The following OPHN1 variants were observed in gnomAD, a reference collection of about 807,000 sequenced individuals.
OPHN1 encodes oligophrenin 1, also known as oligophrenin-1.
OPHN1 carries 11 observed loss-of-function variants against 60.7 expected under a neutral mutation model. That is an observed-to-expected ratio of 0.18 (90% CI 0.11 to 0.30). The LOEUF is 0.30. Ranked by LOEUF, OPHN1 falls within the 10% of genes least tolerant of loss-of-function variation. The probability of loss-of-function intolerance (pLI) is 1.00; values close to 1 mark genes in which losing one functional copy is unlikely to be tolerated. For synonymous variants in OPHN1, 226 were observed against 222.6 expected (o/e 1.02, Z -0.14); for missense variants, 449 against 611.0 (o/e 0.73, Z 2.80).
chrX:68,174,539 G>A (rs1018765243), intron 15 of OPHN1, among the ~76,000 whole-genome samples: 4 of 93,042 alleles, frequency 4.3e-5, no homozygotes, highest in Admixed American at 1.4e-4. Flanking sequence ...TGGTGCAATC[G>A]CAGCTTACTG....
intron 15 of OPHN1, among the ~76,000 whole-genome samples, chrX:68,130,267 A>G (rs1025449004): frequency 8.9e-6 from 1 of 111,742 alleles, no homozygotes; most frequent in Non-Finnish European, 1.9e-5. Flanking sequence ...ATATATATGT[A>G]AAAGAGGAAG....
intron 6 of OPHN1, among the ~76,000 whole-genome samples, chrX:68,220,960 G>C (rs1263041370): frequency 1.1e-5 from 1 of 93,361 alleles, no homozygotes; most frequent in African/African-American, 3.5e-5. Flanking sequence ...GGAAATAAAG[G>C]GTATTCAATT....
At chrX:68,115,613 T>C (rs2077123749) in intron 16 of OPHN1, among the ~76,000 whole-genome samples, 2 of 112,059 alleles carry the variant, frequency 1.8e-5, no homozygotes, top group Admixed American at 9.5e-5. Flanking sequence ...GTGTGCAGCA[T>C]TGAGGGTATC....
chrX:68,282,670 ATCTT>A (rs1454925522), intron 4 of OPHN1, among the ~76,000 whole-genome samples: 4 of 111,909 alleles, frequency 3.6e-5, no homozygotes, highest in Non-Finnish European at 7.5e-5. Context: ...TATGAGTTCT[ATCTT>A]TATTTTCTAC....
intron 11 of OPHN1, among the ~76,000 whole-genome samples, chrX:68,200,517 A>G (rs1345432225): frequency 9.0e-6 from 1 of 111,615 alleles, no homozygotes; most frequent in Non-Finnish European, 1.9e-5. Flanking sequence ...AACTGAGGCT[A>G]TCAGGAAAAT....
At chrX:68,178,125 T>C (rs1468361268) in intron 15 of OPHN1, among the ~76,000 whole-genome samples, 1 of 111,961 alleles carries the variant, frequency 8.9e-6, no homozygotes, top group Non-Finnish European at 1.9e-5. Context: ...AGCATTTTTA[T>C]TCCTTTGCCT....
At chrX:68,185,927 T>C (rs1183046234) in intron 15 of OPHN1, among the ~76,000 whole-genome samples, 1 of 111,279 alleles carries the variant, frequency 9.0e-6, no homozygotes, top group Non-Finnish European at 1.9e-5. Flanking sequence ...CTCCCAAAGT[T>C]AATATATTCT....
chrX:68,134,072 G>A (rs1159834215), intron 15 of OPHN1, among the ~76,000 whole-genome samples: 3 of 110,448 alleles, frequency 2.7e-5, no homozygotes, highest in Non-Finnish European at 5.7e-5. Context: ...CTACTCAGGA[G>A]GCTGAGGCAG....
intron 2 of OPHN1, among the ~76,000 whole-genome samples, chrX:68,360,504 T>C (rs1602354200): frequency 9.0e-6 from 1 of 110,791 alleles, no homozygotes; most frequent in East Asian, 2.8e-4. Flanking sequence ...GTTGATAAAA[T>C]AGATAACCAG....
chrX:68,254,504 C>G (rs1306735486), intron 5 of OPHN1, among the ~76,000 whole-genome samples: 1 of 110,899 alleles, frequency 9.0e-6, no homozygotes, highest in Non-Finnish European at 1.9e-5. Context: ...CTTCCTATTT[C>G]TTCAGATATC....
At chrX:68,232,408 C>T (rs750350463) in intron 6 of OPHN1, among the ~76,000 whole-genome samples, 5 of 111,283 alleles carry the variant, frequency 4.5e-5, no homozygotes, top group Non-Finnish European at 9.4e-5. Context: ...AGATCTCTCA[C>T]GGTGGTGTCA....
At chrX:68,253,837 C>G (rs950927432) in intron 5 of OPHN1, among the ~76,000 whole-genome samples, 1 of 111,410 alleles carries the variant, frequency 9.0e-6, no homozygotes, top group South Asian at 3.8e-4. Context: ...CAGTCTTGCC[C>G]GTAGATCAGA....
chrX:68,224,597 A>T (rs112613314), intron 6 of OPHN1, among the ~76,000 whole-genome samples: 7,196 of 112,544 alleles, frequency 0.064, 231 homozygotes, highest in Middle Eastern at 0.19. Flanking sequence ...GTGCTTAGAG[A>T]AATATTTATA....
intron 2 of OPHN1, among the ~76,000 whole-genome samples, chrX:68,385,467 A>G (rs1191953421): frequency 9.8e-5 from 11 of 112,460 alleles, no homozygotes; most frequent in Non-Finnish European, 3.8e-5. Context: ...ATTCCTTGCC[A>G]TAGGCCAATA....
intron 2 of OPHN1, among the ~76,000 whole-genome samples, chrX:68,354,022 T>G (rs2078426974): frequency 1.8e-5 from 2 of 112,056 alleles, no homozygotes; most frequent in African/African-American, 3.2e-5. Context: ...AGGTTCCTAT[T>G]CACAGATACT....
At chrX:68,100,196 CCT>C (rs2077052263) in intron 18 of OPHN1, among the ~76,000 whole-genome samples, 1 of 110,736 alleles carries the variant, frequency 9.0e-6, no homozygotes, top group African/African-American at 3.3e-5. Context: ...CTGTGTGTCC[CCT>C]GTTAGAAGAA....
intron 15 of OPHN1, among the ~76,000 whole-genome samples, chrX:68,152,296 T>C (rs1284723945): frequency 1.8e-5 from 2 of 110,596 alleles, no homozygotes; most frequent in African/African-American, 6.6e-5. Flanking sequence ...TTTCCCAAAT[T>C]GACAAAGTTT....
At chrX:68,332,259 C>T (rs1373566535) in intron 2 of OPHN1, among the ~76,000 whole-genome samples, 2 of 110,784 alleles carry the variant, frequency 1.8e-5, no homozygotes, top group East Asian at 2.8e-4. Flanking sequence ...TCCAACATGA[C>T]GTTTGTGGCA....
intron 5 of OPHN1, among the ~76,000 whole-genome samples, chrX:68,237,697 A>G (rs1263771347): frequency 8.9e-6 from 1 of 111,961 alleles, no homozygotes; most frequent in African/African-American, 3.2e-5. Context: ...AATAAAATTT[A>G]TTTTTATATA....
Sources: allele counts gnomAD v4.1 joint callset (sites outside exome capture counted in the v4.1 genomes callset), GRCh38; gene constraint gnomAD v4.1.1; transcripts MANE v1.5; gene names NCBI Gene and HGNC (gene_info 2026-07-23, HGNC 2026-07-21).